Variants in PHKA1 observed in about 807,000 individuals in gnomAD.
PHKA1 encodes the protein phosphorylase kinase regulatory subunit alpha 1.
In PHKA1, 60 loss-of-function variants were observed where a neutral mutation model predicts 110.2. That is an observed-to-expected ratio of 0.54 (90% CI 0.44 to 0.68). The LOEUF is 0.68. Among genes scored for constraint, PHKA1 ranks in the 30% least tolerant of loss-of-function variants. The pLI, the probability that PHKA1 is intolerant of heterozygous loss-of-function variation, is 0.00. For synonymous variants in PHKA1, 316 were observed against 333.6 expected (o/e 0.95, Z 0.58); for missense variants, 801 against 942.5 (o/e 0.85, Z 1.97).
At chrX:72,603,058 A>T in intron 26 of PHKA1, 61 bp downstream of exon 26, 1 of 762,118 alleles carries the variant, frequency 1.3e-6, no homozygotes, top group Non-Finnish European at 2.0e-6. Flanking sequence ...AAAACATTTT[A>T]AAACCAATGA....
intron 8 of PHKA1, among the ~76,000 whole-genome samples, chrX:72,663,836 A>G (rs1057166559): frequency 1.5e-4 from 16 of 110,181 alleles, no homozygotes; most frequent in Admixed American, 9.7e-5. Context: ...GGAAGTGAAC[A>G]TATGATAACT....
intron 13 of PHKA1, among the ~76,000 whole-genome samples, chrX:72,646,935 A>T (rs2074657503): frequency 9.1e-6 from 1 of 110,408 alleles, no homozygotes; most frequent in Non-Finnish European, 1.9e-5. Flanking sequence ...GTTCGAGACC[A>T]GCCTGGCCAA....
intron 6 of PHKA1, among the ~76,000 whole-genome samples, chrX:72,675,191 A>AAATAAT (rs1177927748): frequency 9.3e-6 from 1 of 107,838 alleles, no homozygotes; most frequent in Admixed American, 1.0e-4. Flanking sequence ...CCGTCTCAAA[A>AAATAAT]AATAATAATA....
intron 29 of PHKA1, among the ~76,000 whole-genome samples, chrX:72,588,721 C>T (rs1445556230): frequency 6.3e-5 from 7 of 111,011 alleles, no homozygotes; most frequent in Non-Finnish European, 1.3e-4. Context: ...ATCAAATAGA[C>T]ACAATAAAAA....
At chrX:72,624,532 C>T (rs1556281476) in intron 17 of PHKA1, among the ~76,000 whole-genome samples, 1 of 111,435 alleles carries the variant, frequency 9.0e-6, no homozygotes, top group Admixed American at 9.5e-5. Context: ...TTTAAACCCA[C>T]CAATTAAAAC....
chrX:72,589,425 T>C (rs140049276), intron 29 of PHKA1, among the ~76,000 whole-genome samples: 373 of 111,638 alleles, frequency 3.3e-3, no homozygotes, highest in Non-Finnish European at 5.8e-3. Context: ...ATGGAACATA[T>C]CTCAAAATAA....
At chrX:72,640,734 T>C (rs1411993266) in intron 14 of PHKA1, among the ~76,000 whole-genome samples, 1 of 111,767 alleles carries the variant, frequency 8.9e-6, no homozygotes, top group East Asian at 2.8e-4. Context: ...AACTTACAAC[T>C]TATGAAATTT....
intron 8 of PHKA1, among the ~76,000 whole-genome samples, chrX:72,659,244 A>G (rs1175273364): frequency 1.8e-5 from 2 of 111,458 alleles, no homozygotes; most frequent in African/African-American, 3.3e-5. Context: ...GGCCATTAGA[A>G]GCACTTTTCA....
At chrX:72,696,999 T>C (rs1188078530) in intron 3 of PHKA1, among the ~76,000 whole-genome samples, 1 of 111,995 alleles carries the variant, frequency 8.9e-6, no homozygotes, top group African/African-American at 3.2e-5. Context: ...CTTATTTTGC[T>C]GTTACAACTC....
Position 72,584,284 on chromosome X carries a change from C to T in PHKA1, c.3262G>A (p.Glu1088Lys). The T allele has an allele frequency of 8.3e-7, 1 of 1,207,981 alleles. No individual in the cohort carries two copies. The part of the protein sequence containing the change: ...VLQKCHGLSV[E>K]GFVLPSSTTR... ...GTAGAGGAAGGAAGGACAAACCCTT[C>T]AACAGAAAGTCCGTGACACTGCAAA... The change falls in exon 30 of 32, where the codon GAA becomes AAA. Residue 1088 changes from glutamate (E) to lysine (K), a missense_variant. By Grantham distance (56) the Glu-to-Lys change is moderately conservative. This residue lies in a region of PHKA1 where 502 missense variants were observed against 519.2 expected (regional missense o/e 0.97). Transcript: ENST00000373542.
rs1556296535 is a variant in PHKA1, at chrX:72,644,371, A to T, written c.1450T>A (p.Ser484Thr). Reference protein sequence around the residue: ...QPARILSHIYSSLGCNNRMKL... With the variant: ...QPARILSHIYTSLGCNNRMKL... ...TAGCCAATCTCCTTACCTAGGCTGG[A>T]ATAAATGTGGCTGAGAATACGAGCT... Residue 484 changes from serine to threonine, a missense_variant, in exon 14 of 32, where the codon TCC (serine) becomes ACC (threonine). Transcript: ENST00000373542. 1.7e-6 allele frequency: 2 copies of T among 1,210,465 alleles called. No homozygotes were observed.
intron 18 of PHKA1, chrX:72,622,259 T>C: frequency 9.3e-6 from 7 of 754,247 alleles, no homozygotes; most frequent in Non-Finnish European, 1.1e-5. Flanking sequence ...TTGTATGAGA[T>C]TGTGCTGGCT....
intron 4 of PHKA1, among the ~76,000 whole-genome samples, chrX:72,692,510 C>G (rs1193485040): frequency 8.9e-6 from 1 of 111,869 alleles, no homozygotes; most frequent in Admixed American, 9.5e-5. Flanking sequence ...TAATTCTCTT[C>G]GATTGTAGTA....
At chrX:72,684,468 T>G (rs1050895828) in intron 5 of PHKA1, 30 bp downstream of exon 5, 5 of 925,251 alleles carry the variant, frequency 5.4e-6, no homozygotes, top group Non-Finnish European at 6.3e-6. Flanking sequence ...ACATCATATG[T>G]CTAAAATCCA....
At chrX:72,588,665 A>T (rs1335800037) in intron 29 of PHKA1, among the ~76,000 whole-genome samples, 1 of 111,741 alleles carries the variant, frequency 8.9e-6, no homozygotes, top group Non-Finnish European at 1.9e-5. Flanking sequence ...GATCAAAAAA[A>T]TTGATAGACT....
chrX:72,671,378 AG>A (rs2053695623), intron 6 of PHKA1, among the ~76,000 whole-genome samples: 1 of 111,185 alleles, frequency 9.0e-6, no homozygotes, highest in South Asian at 3.9e-4. Context: ...CCAACTTACA[AG>A]GGATGTGAAG....
chrX:72,657,306 A>C (rs1342376376), intron 9 of PHKA1, among the ~76,000 whole-genome samples: 1 of 112,379 alleles, frequency 8.9e-6, no homozygotes, highest in Non-Finnish European at 1.9e-5. Context: ...ATAAGCTTTC[A>C]TCCACTGATT....
intron 5 of PHKA1, among the ~76,000 whole-genome samples, chrX:72,683,367 G>GT (rs139186321): frequency 9.8e-5 from 11 of 112,212 alleles, no homozygotes; most frequent in Non-Finnish European, 2.1e-4. Context: ...GAGCCTGGGA[G>GT]TTTGAGGCTG....
At position 72,657,623 on chromosome X, in the gene PHKA1, G is replaced by T. The variant is rs1280098359; in HGVS notation, c.883C>A (p.Arg295Ser). Reference sequence around the variant, plus strand: ...GTTTTATATCCATCTCGTAGAAAGCGACAGCAACCATAACGACCCTGGGAA... The same window carrying T: ...GTTTTATATCCATCTCGTAGAAAGCTACAGCAACCATAACGACCCTGGGAA... Reference protein sequence around the residue: ...TKLQGRYGCCRFLRDGYKTPK... With the variant: ...TKLQGRYGCCSFLRDGYKTPK... Residue 295 changes from arginine to serine, a missense_variant, in exon 9 of 32, where the codon CGC (arginine) becomes AGC (serine). Transcript: ENST00000373542. 9.1e-6 allele frequency: 11 copies of T among 1,206,160 alleles called. No individual in the cohort carries two copies. Among genetic ancestry groups the T allele is most frequent in the Non-Finnish European group, 1.2e-5 (11 of 892,403 alleles).
Sources: gnomAD v4.1 joint callset for allele counts (sites outside exome capture counted in the v4.1 genomes callset) on GRCh38, gnomAD v4.1.1 for gene constraint, gnomAD v4.1.1 regional missense constraint, MANE v1.5 for transcripts, NCBI Gene and HGNC (gene_info 2026-07-23, HGNC 2026-07-21) for gene names.